ROBO1: variants seen among roughly 807,000 people sequenced by gnomAD.
ROBO1 encodes the protein roundabout homolog 1.
In ROBO1, 149 loss-of-function variants were observed where a neutral mutation model predicts 195.9. The ratio of observed to expected loss-of-function variants is 0.76; its 90% CI spans 0.67 to 0.87. ROBO1 has a LOEUF of 0.87. Ranked by LOEUF, ROBO1 falls within the 40% of genes least tolerant of loss-of-function variation. The pLI is 0.00. For synonymous variants in ROBO1, 816 were observed against 733.2 expected (o/e 1.11, Z -1.82); for missense variants, 1,933 against 2,068.3 (o/e 0.93, Z 1.27).
In ROBO1 at chr3:78,687,079, C is replaced by A. The variant is rs547607894; in HGVS notation, c.1171-1162G>T. On this transcript the variant is annotated intron_variant, in intron 9 of 30. Transcript: ENST00000464233. The stretch of plus-strand genomic sequence containing the variant: ...TATTCCATGGATATATGTCTAATGA[C>A]AACATTTTAGGGAAAAATGAGTTGT... Among the ~76,000 whole-genome samples, 3 of 152,052 alleles carry A rather than the reference C, an allele frequency of 2.0e-5. No homozygotes were observed. The South Asian group carries it at 6.2e-4, about 32-fold the overall frequency.
chr3:78,684,556 A>G (rs2081008128), intron 10 of ROBO1, among the ~76,000 whole-genome samples: 1 of 152,156 alleles, frequency 6.6e-6, no homozygotes, highest in Non-Finnish European at 1.5e-5. Context: ...AGAGTGGTCT[A>G]GAGAAACAGT....
chr3:78,658,384 G>A (rs1038882656), intron 17 of ROBO1, among the ~76,000 whole-genome samples: 2 of 152,168 alleles, frequency 1.3e-5, no homozygotes, highest in African/African-American at 2.4e-5. Flanking sequence ...TCCACCTCCC[G>A]GGTTCCAGTG....
chr3:78,786,703 C>T (rs934913980), intron 4 of ROBO1, among the ~76,000 whole-genome samples: 1 of 152,120 alleles, frequency 6.6e-6, no homozygotes, highest in Non-Finnish European at 1.5e-5. Flanking sequence ...TGTTCTCTTG[C>T]CTGCTGCCAT....
chr3:79,369,775 A>C (rs2036121728), intron 2 of ROBO1, among the ~76,000 whole-genome samples: 1 of 152,100 alleles, frequency 6.6e-6, no homozygotes, highest in South Asian at 2.1e-4. Flanking sequence ...AGATTATTGC[A>C]ATAAGAAGAA....
chr3:79,087,562 C>T (rs2079396158), intron 3 of ROBO1, among the ~76,000 whole-genome samples: 1 of 151,490 alleles, frequency 6.6e-6, no homozygotes, highest in African/African-American at 2.4e-5. Context: ...TTCCTTCCTT[C>T]ATTTCTTTGT....
intron 3 of ROBO1, among the ~76,000 whole-genome samples, chr3:79,110,898 G>A (rs2079873811): frequency 6.6e-6 from 1 of 151,994 alleles, no homozygotes; most frequent in African/African-American, 2.4e-5. Flanking sequence ...GATCACAGGT[G>A]TGAGCTACCA....
chr3:79,096,303 A>T (rs1011148115), intron 3 of ROBO1, among the ~76,000 whole-genome samples: 3 of 151,980 alleles, frequency 2.0e-5, no homozygotes, highest in South Asian at 4.1e-4. Flanking sequence ...ATTTGAGTAG[A>T]TAATCTCAGA....
intron 29 of ROBO1, among the ~76,000 whole-genome samples, chr3:78,604,044 T>A (rs1469868939): frequency 2.0e-5 from 3 of 151,904 alleles, no homozygotes; most frequent in African/African-American, 7.2e-5. Context: ...ACCTACTTTT[T>A]AATTTTTTAA....
At chr3:78,946,997 A>T (rs1274508405) in intron 3 of ROBO1, among the ~76,000 whole-genome samples, 1 of 152,206 alleles carries the variant, frequency 6.6e-6, no homozygotes, top group Non-Finnish European at 1.5e-5. Context: ...TATGCACCCA[A>T]TACAGGAGCA....
chr3:78,992,310 G>A (rs2077257091), intron 3 of ROBO1, among the ~76,000 whole-genome samples: 2 of 152,094 alleles, frequency 1.3e-5, no homozygotes, highest in Non-Finnish European at 2.9e-5. Flanking sequence ...TCCTTGGTAC[G>A]TTTATTGGTG....
intron 10 of ROBO1, among the ~76,000 whole-genome samples, chr3:78,677,794 G>GA (rs1708530553): frequency 6.6e-6 from 1 of 151,828 alleles, no homozygotes; most frequent in Non-Finnish European, 1.5e-5. Context: ...GCATACCCAG[G>GA]AATTGAACTC....
At chr3:79,633,477 T>C (rs1412820520) in intron 1 of ROBO1, among the ~76,000 whole-genome samples, 6 of 151,070 alleles carry the variant, frequency 4.0e-5, no homozygotes, top group Admixed American at 2.0e-4. Context: ...TGGGCTACCA[T>C]GCCCAGCCTA....
intron 4 of ROBO1, among the ~76,000 whole-genome samples, chr3:78,829,776 C>G (rs2031980605): frequency 6.6e-6 from 1 of 152,112 alleles, no homozygotes; most frequent in Non-Finnish European, 1.5e-5. Flanking sequence ...AAGAGAAATA[C>G]TGGTTAGAAG....
chr3:79,227,244 T>C (rs920108172), intron 2 of ROBO1, among the ~76,000 whole-genome samples: 4 of 152,138 alleles, frequency 2.6e-5, no homozygotes, highest in African/African-American at 9.7e-5. Context: ...CTCTTTGTAA[T>C]CTGACCACCA....
chr3:79,306,383 A>ATT (rs150184707), intron 2 of ROBO1, among the ~76,000 whole-genome samples: 3,133 of 151,656 alleles, frequency 0.021, 88 homozygotes, highest in African/African-American at 0.066. Context: ...CAAGATATCA[A>ATT]TTTTTTTTTA....
Position 78,661,083 on chromosome 3 carries a change from T to C in ROBO1, c.2267A>G (p.Asn756Ser). ...NYEIKARPFF[N>S]EFQGADSEIK... ...TTCACTATCTGCTCCTTGAAATTCA[T>C]TAAAAAAAGGGCGAGCCTTAATTTC... The change falls in exon 16 of 31, where the codon AAT becomes AGT. Residue 756 changes from asparagine to serine, a missense_variant. Asn to Ser is a conservative substitution (Grantham distance 46). This residue lies in a region of ROBO1 where 1,737 missense variants were observed against 1,882.5 expected (regional missense o/e 0.92). Coordinates refer to ENST00000464233, the MANE Select transcript of ROBO1 (RefSeq NM_002941.4). The C allele has an allele frequency of 6.2e-7, 1 of 1,613,656 alleles. No homozygotes were observed. Among genetic ancestry groups the C allele is most frequent in the African/African-American group, 1.3e-5 (1 of 75,046 alleles).
At chr3:79,407,244 A>C (rs565148572) in intron 2 of ROBO1, among the ~76,000 whole-genome samples, 1 of 152,242 alleles carries the variant, frequency 6.6e-6, no homozygotes, top group African/African-American at 2.4e-5. Flanking sequence ...ACATATCTTA[A>C]AATTTGACAT....
rs144573619 is a variant in ROBO1 at position 79,180,553 on chromosome 3, A to G, written c.89-55014T>C. Among the ~76,000 whole-genome samples, 228 of 152,270 alleles carry G rather than the reference A, an allele frequency of 1.5e-3. 1 individual carries two copies. Among genetic ancestry groups the G allele is most frequent in the Admixed American group, 3.0e-3 (46 of 15,300 alleles). On this transcript the variant is annotated intron_variant, in intron 2 of 30. Transcript: ENST00000464233. ...ACATAAACTCTGAAGCCTTGTTCAA[A>G]TCTTGGCTCCACTGCTTAATGACAT...
intron 29 of ROBO1, among the ~76,000 whole-genome samples, chr3:78,602,786 C>T (rs1441859923): frequency 6.6e-6 from 1 of 152,130 alleles, no homozygotes; most frequent in South Asian, 2.1e-4. Flanking sequence ...CTTACATGTT[C>T]CTCAAACTCA....
Sources: gnomAD v4.1 joint callset for allele counts (sites outside exome capture counted in the v4.1 genomes callset) on GRCh38, gnomAD v4.1.1 for gene constraint, gnomAD v4.1.1 regional missense constraint, MANE v1.5 for transcripts, NCBI Gene and HGNC (gene_info 2026-07-23, HGNC 2026-07-21) for gene names.